The following MFN2 variants were observed in gnomAD, a reference collection of about 807,000 sequenced individuals.
The protein encoded by MFN2 is mitofusin-2.
In MFN2, 43 loss-of-function variants were observed where a neutral mutation model predicts 87.5. That is an observed-to-expected ratio of 0.49 (90% CI 0.38 to 0.63). The LOEUF (loss-of-function observed/expected upper bound fraction) is 0.63, where lower values mean the gene tolerates loss of function less well. Among genes scored for constraint, MFN2 ranks in the 30% least tolerant of loss-of-function variants. The pLI is 0.00. For synonymous variants in MFN2, 337 were observed against 359.9 expected (o/e 0.94, Z 0.72); for missense variants, 743 against 972.8 (o/e 0.76, Z 3.14).
intron 18 of MFN2, 100 bp from the exon 19 acceptor site, chr1:12,011,388 GATGATGTA>G (rs1279983369): frequency 4.5e-6 from 5 of 1,112,566 alleles, no homozygotes; most frequent in Non-Finnish European, 6.8e-6. Flanking sequence ...ATTGTTGGAG[GATGATGTA>G]AGGGTGTGTG....
rs376781228 is a variant in MFN2 at position 12,007,019 on chromosome 1, A to G, written c.1873-34A>G. ...CCCCAGAGGAGGGTGGGCCACAGAGAGGCTGCACTCCAGGCTGACCATGTG... is the reference window on the plus strand; with the variant it reads ...CCCCAGAGGAGGGTGGGCCACAGAGGGGCTGCACTCCAGGCTGACCATGTG... On this transcript the variant is annotated intron_variant, in intron 16 of 18. Coordinates refer to ENST00000235329, the MANE Select transcript of MFN2 (RefSeq NM_014874.4). 4 of 1,611,730 alleles carry G rather than the reference A, an allele frequency of 2.5e-6. No homozygotes were observed. The African/African-American group carries it at 5.3e-5, about 22-fold the overall frequency.
At chr1:12,010,489 C>T (rs1045905110) in intron 18 of MFN2, among the ~76,000 whole-genome samples, 3 of 152,204 alleles carry the variant, frequency 2.0e-5, no homozygotes, top group Admixed American at 6.5e-5. Flanking sequence ...TTCTCCTTAC[C>T]TGCCACTCTT....
At chr1:12,007,372 G>C in intron 17 of MFN2, 123 bp downstream of exon 17, 1 of 1,245,464 alleles carries the variant, frequency 8.0e-7, no homozygotes. Flanking sequence ...CGTAGACCCT[G>C]GGCCTTCAGG....
In MFN2 at chr1:12,009,805, C is replaced by T. The variant is rs543083300; in HGVS notation, c.2204+79C>T. ...CACTGGGGCTCAGCTGCTGGGCTTG[C>T]GTCTTGGGTGTGGACACAAATTTTT... On this transcript the variant is annotated intron_variant, in intron 18 of 18. Coordinates refer to ENST00000235329, the MANE Select transcript of MFN2 (RefSeq NM_014874.4). 2.2e-5 allele frequency: 35 copies of T among 1,601,080 alleles called. No individual in the cohort carries two copies. The East Asian group carries it at 4.7e-4, about 21-fold the overall frequency.
Position 12,004,770 on chromosome 1 carries a change from C to T in MFN2, c.1393-55C>T. 4 of 1,568,142 alleles carry T rather than the reference C, an allele frequency of 2.6e-6. No homozygotes were observed. The South Asian group carries it at 3.4e-5, about 13-fold the overall frequency. ...TTCTGGGGTCACCTGGTGGATGTGG[C>T]CTGAAGGGAATTTTGATGGACATGC... On this transcript the variant is annotated intron_variant, in intron 13 of 18. Transcript: ENST00000235329. The surrounding 1 kb of genome is among the most constrained non-coding windows in gnomAD (Gnocchi z 4.2).
intron 1 of MFN2, chr1:11,981,764 G>C (rs547238326): frequency 1.3e-5 from 2 of 152,406 alleles, no homozygotes; most frequent in South Asian, 4.1e-4. Flanking sequence ...CGGAATACGT[G>C]TGCACAGTCA....
intron 6 of MFN2, 140 bp downstream of exon 6, chr1:11,997,561 C>T (rs1435941391): frequency 1.6e-5 from 19 of 1,173,248 alleles, no homozygotes; most frequent in Non-Finnish European, 2.2e-5. Context: ...TCAACCAAAT[C>T]CTCTGGCCTC....
In MFN2 at chr1:12,004,192, C is replaced by A; in HGVS notation, c.1287+74C>A. On this transcript the variant is annotated intron_variant, in intron 12 of 18. Coordinates refer to ENST00000235329, the MANE Select transcript of MFN2 (RefSeq NM_014874.4). The surrounding 1 kb of genome is among the most constrained non-coding windows in gnomAD (Gnocchi z 4.2). The stretch of plus-strand genomic sequence containing the variant: ...AGTCCAGAAGAAAGCAGACCTCCTC[C>A]TCTTAGGGACTTCTCAGCCTTTCAG... The A allele has an allele frequency of 6.3e-7, 1 of 1,577,886 alleles. No individual in the cohort carries two copies. The highest frequency in any genetic ancestry group is 8.7e-7 in the Non-Finnish European group (1 of 1,153,020).
At chr1:12,008,506 G>T (rs1208766522) in intron 17 of MFN2, among the ~76,000 whole-genome samples, 2 of 151,810 alleles carry the variant, frequency 1.3e-5, no homozygotes, top group Non-Finnish European at 2.9e-5. Context: ...GCTGCTAGGC[G>T]GAGACGCTTA....
At position 12,004,244 on chromosome 1, in the gene MFN2, A is replaced by G; in HGVS notation, c.1287+126A>G. 7.5e-7 allele frequency: 1 copy of G among 1,328,210 alleles called. No homozygotes were observed. The highest frequency in any genetic ancestry group is 1.1e-6 in the Non-Finnish European group (1 of 944,424). 82.3% of individuals were successfully genotyped at this position (1,328,210 alleles called of 1,614,324 possible). On this transcript the variant is annotated intron_variant, in intron 12 of 18. Transcript: ENST00000235329. The surrounding 1 kb of genome is among the most constrained non-coding windows in gnomAD (Gnocchi z 4.2). ...AGAAAGTTGTGGCCCTGTTTCAAGA[A>G]TACAGAGCTGCCGTTTGGGTTCCAT...
In MFN2 at chr1:11,998,836, G is replaced by A. The variant is rs911933291; in HGVS notation, c.666G>A (p.Val222=). Residue 222 remains valine, a synonymous_variant, in exon 7 of 19, where the codon GTG becomes GTA. Transcript: ENST00000235329. Reference sequence around the variant, plus strand: ...ACAAGTTTTGTCTGGATGCTGATGTGTTTGTGCTGGTGGCCAACTCAGAGT... The same window carrying A: ...ACAAGTTTTGTCTGGATGCTGATGTATTTGTGCTGGTGGCCAACTCAGAGT... The part of the protein sequence containing the change: ...WIDKFCLDAD[V]FVLVANSEST... 6 of 1,614,192 alleles carry A rather than the reference G, an allele frequency of 3.7e-6. No homozygotes were observed. Among genetic ancestry groups the A allele is most frequent in the Middle Eastern group, 1.6e-4 (1 of 6,062 alleles).
At chr1:11,987,512 C>G (rs1348591361) in intron 2 of MFN2, among the ~76,000 whole-genome samples, 3 of 151,570 alleles carry the variant, frequency 2.0e-5, no homozygotes, top group African/African-American at 7.3e-5. Context: ...TGCCTGTAGT[C>G]CCAGTTGCTT....
chr1:11,988,348 T>G (rs1454335723), intron 2 of MFN2, among the ~76,000 whole-genome samples: 1 of 151,508 alleles, frequency 6.6e-6, no homozygotes, highest in African/African-American at 2.4e-5. Flanking sequence ...TGTGATCCAC[T>G]TGCCTCAGCC....
chr1:11,988,246 C>T (rs1171162372), intron 2 of MFN2, among the ~76,000 whole-genome samples: 3 of 151,754 alleles, frequency 2.0e-5, no homozygotes, highest in Non-Finnish European at 2.9e-5. Flanking sequence ...GGATTATAGG[C>T]GGCCACCACC....
chr1:12,001,605 G>A (rs371357717), intron 9 of MFN2, 51 bp downstream of exon 9: 614 of 1,613,506 alleles, frequency 3.8e-4, no homozygotes, highest in Non-Finnish European at 5.0e-4. Context: ...GAGACATTTT[G>A]TCTCGTGCTG....
Position 12,004,210 on chromosome 1 carries a change from C to A in MFN2, c.1287+92C>A, listed in dbSNP as rs1230160901. 3.3e-6 allele frequency: 5 copies of A among 1,536,354 alleles called. No individual in the cohort carries two copies. The East Asian group carries it at 1.1e-4, about 35-fold the overall frequency. On this transcript the variant is annotated intron_variant, in intron 12 of 18. Transcript: ENST00000235329. This position sits in a 1 kb window ranked among gnomAD's most constrained non-coding sequence, Gnocchi z 4.2. ...CCTCCTCCTCTTAGGGACTTCTCAG[C>A]CTTTCAGAAGAAAGTTGTGGCCCTG...
intron 6 of MFN2, 98 bp from the exon 7 acceptor site, chr1:11,998,672 C>T: frequency 9.0e-7 from 1 of 1,106,378 alleles, no homozygotes; most frequent in Non-Finnish European, 1.4e-6. Flanking sequence ...CTTTCTCCTC[C>T]ATGACCTGCC....
Position 12,004,097 on chromosome 1 carries a change from T to G in MFN2, c.1266T>G (p.Ile422Met), listed in dbSNP as rs1415049174. The G allele has an allele frequency of 1.2e-6, 2 of 1,614,160 alleles. No homozygotes were observed. The highest frequency in any genetic ancestry group is 2.7e-5 in the African/African-American group (2 of 75,054). The change falls in exon 12 of 19, where the codon ATT becomes ATG. Residue 422 changes from isoleucine to methionine, a missense_variant. By Grantham distance (10) the Ile-to-Met change is conservative. Around this residue, in one of 3 missense-constraint regions of MFN2, gnomAD observed 571 missense variants for 670.7 expected, o/e 0.85. Transcript: ENST00000235329. The surrounding 1 kb of genome is among the most constrained non-coding windows in gnomAD (Gnocchi z 4.2). The part of the protein sequence containing the change: ...AQDYKLRIKQ[I>M]TEEVERQVST... ...ACTATAAGCTGCGAATTAAGCAGAT[T>G]ACGGAGGAAGTGGAGAGGCAGGTGA...
intron 3 of MFN2, chr1:11,992,252 T>C (rs369961208): frequency 4.7e-6 from 2 of 427,870 alleles, no homozygotes; most frequent in South Asian, 2.4e-5. Context: ...AAGTAGATAA[T>C]GTAGTTATCT....
Sources: gnomAD v4.1 joint callset for allele counts (sites outside exome capture counted in the v4.1 genomes callset) on GRCh38, gnomAD v4.1.1 for gene constraint, gnomAD v4.1.1 regional missense constraint, Gnocchi (gnomAD v3.1) non-coding constraint, MANE v1.5 for transcripts, NCBI Gene and HGNC (gene_info 2026-07-23, HGNC 2026-07-21) for gene names.